Variants in CERT1 observed in about 807,000 individuals in gnomAD.
CERT1 encodes the protein ceramide transporter 1.
In CERT1, 31 loss-of-function variants were observed where a neutral mutation model predicts 87.9. The observed-to-expected ratio is 0.35, with a 90% confidence interval of 0.27 to 0.48. The LOEUF is 0.48. CERT1 is among the 20% of genes least tolerant of loss of function. The pLI, the probability that CERT1 is intolerant of heterozygous loss-of-function variation, is 0.99. For synonymous variants in CERT1, 289 were observed against 250.9 expected (o/e 1.15, Z -1.44); for missense variants, 487 against 758.0 (o/e 0.64, Z 4.20).
rs576372181 is a variant in CERT1 at position 75,461,400 on chromosome 5, G to A, written c.232-2219C>T. ...GAGTTTCATCCCAAAGCCATCCCCCGTCACCCACTACATGGAAAAATTGTC... is the reference window on the plus strand; with the variant it reads ...GAGTTTCATCCCAAAGCCATCCCCCATCACCCACTACATGGAAAAATTGTC... On this transcript the variant is annotated intron_variant, in intron 2 of 16. Transcript: ENST00000643780. Among the ~76,000 whole-genome samples, 8 of 152,200 alleles carry A rather than the reference G, an allele frequency of 5.3e-5. No individual in the cohort carries two copies. In the East Asian group the frequency reaches 9.7e-4, roughly 18 times the overall value.
intron 7 of CERT1, among the ~76,000 whole-genome samples, chr5:75,413,191 A>G (rs1763000139): frequency 6.6e-6 from 1 of 152,168 alleles, no homozygotes; most frequent in Non-Finnish European, 1.5e-5. Flanking sequence ...CACTAGGCAA[A>G]AGGAATTATT....
At chr5:75,502,807 A>G (rs1312286631) in intron 2 of CERT1, among the ~76,000 whole-genome samples, 1 of 152,100 alleles carries the variant, frequency 6.6e-6, no homozygotes, top group Non-Finnish European at 1.5e-5. Context: ...TTCCATAAAC[A>G]TTTGCTTTTA....
intron 1 of CERT1, among the ~76,000 whole-genome samples, chr5:75,509,163 A>T (rs1580874337): frequency 6.6e-6 from 1 of 152,236 alleles, no homozygotes; most frequent in East Asian, 1.9e-4. Context: ...AATCCACCCC[A>T]TTTTGGGGGA....
chr5:75,415,532 T>C (rs189348220), intron 7 of CERT1, among the ~76,000 whole-genome samples: 5 of 152,254 alleles, frequency 3.3e-5, no homozygotes, highest in Admixed American at 3.3e-4. Context: ...TAAACTTGAA[T>C]GCTAAAATAA....
intron 3 of CERT1, among the ~76,000 whole-genome samples, chr5:75,436,828 T>A (rs184800948): frequency 5.4e-4 from 83 of 152,316 alleles, no homozygotes; most frequent in Admixed American, 1.3e-3. Context: ...TGGAGTGCAG[T>A]GGCAGTCATG....
chr5:75,450,030 C>T lies in CERT1; in HGVS notation c.348+9035G>A, dbSNP rs73120808. 3.6e-3 allele frequency among the ~76,000 whole-genome samples: 552 copies of T among 152,294 alleles called. 3 individuals are homozygous for T. Among genetic ancestry groups the T allele is most frequent in the African/African-American group, 0.013 (539 of 41,546 alleles). ...TCTTCACTACTCAGTGTACAATCTTCCCAATCCTTTTACTATCTTGGTAAA... is the reference window on the plus strand; with the variant it reads ...TCTTCACTACTCAGTGTACAATCTTTCCAATCCTTTTACTATCTTGGTAAA... On this transcript the variant is annotated intron_variant, in intron 3 of 16. Coordinates refer to ENST00000643780, the MANE Select transcript of CERT1 (RefSeq NM_001379029.1).
intron 2 of CERT1, among the ~76,000 whole-genome samples, chr5:75,487,252 T>C (rs1307612257): frequency 6.6e-6 from 1 of 152,064 alleles, no homozygotes; most frequent in Non-Finnish European, 1.5e-5. Flanking sequence ...CTTCAATAAA[T>C]AGTGCTAGGA....
At chr5:75,393,602 TAAAAAAAAAA>T (rs60898983) in intron 11 of CERT1, among the ~76,000 whole-genome samples, 1 of 32,770 alleles carries the variant, frequency 3.1e-5, no homozygotes, top group Non-Finnish European at 5.8e-5. Context: ...CTCATCTACT[TAAAAAAAAAA>T]AAAAAAAAAA....
At chr5:75,457,243 T>C (rs1765022364) in intron 3 of CERT1, among the ~76,000 whole-genome samples, 1 of 152,220 alleles carries the variant, frequency 6.6e-6, no homozygotes, top group Non-Finnish European at 1.5e-5. Context: ...GCTTTTCCTA[T>C]ATGCCATAAA....
chr5:75,465,491 C>T (rs990626231), intron 2 of CERT1, among the ~76,000 whole-genome samples: 5 of 152,198 alleles, frequency 3.3e-5, no homozygotes, highest in African/African-American at 1.2e-4. Flanking sequence ...TCAATCAGTG[C>T]TCTATATTGT....
At chr5:75,459,962 CAAAAAAA>C (rs753591061) in intron 2 of CERT1, among the ~76,000 whole-genome samples, 1 of 25,530 alleles carries the variant, frequency 3.9e-5, no homozygotes, top group Non-Finnish European at 8.0e-5. Flanking sequence ...TCCTCCGTCT[CAAAAAAA>C]AAAAAAAAAA....
intron 2 of CERT1, among the ~76,000 whole-genome samples, chr5:75,470,388 G>C (rs1765653541): frequency 6.6e-6 from 1 of 152,124 alleles, no homozygotes; most frequent in Non-Finnish European, 1.5e-5. Context: ...TCAATAAAAG[G>C]AGGAGCTTTG....
At chr5:75,424,442 C>T (rs1763515433) in intron 5 of CERT1, among the ~76,000 whole-genome samples, 1 of 151,856 alleles carries the variant, frequency 6.6e-6, no homozygotes, top group Non-Finnish European at 1.5e-5. Flanking sequence ...CATGGTGGCA[C>T]GTGCCTGTAA....
intron 11 of CERT1, among the ~76,000 whole-genome samples, chr5:75,397,209 T>G (rs1762291419): frequency 6.6e-6 from 1 of 152,194 alleles, no homozygotes; most frequent in Non-Finnish European, 1.5e-5. Flanking sequence ...AACAAATACT[T>G]GAAGACCTTA....
chr5:75,371,541 T>C (rs1761084716), intron 17 of CERT1: 1 of 152,210 alleles, frequency 6.6e-6, no homozygotes, highest in Admixed American at 6.5e-5. Flanking sequence ...TACACCTCCC[T>C]TGCAGATATA....
intron 3 of CERT1, among the ~76,000 whole-genome samples, chr5:75,442,172 A>G (rs1383984261): frequency 6.6e-6 from 1 of 152,200 alleles, no homozygotes; most frequent in Non-Finnish European, 1.5e-5. Flanking sequence ...TTGCTCATGC[A>G]TTGACTTTTA....
chr5:75,397,597 G>C (rs1762306456), intron 11 of CERT1, among the ~76,000 whole-genome samples: 1 of 152,102 alleles, frequency 6.6e-6, no homozygotes, highest in African/African-American at 2.4e-5. Flanking sequence ...TATAGCCTAT[G>C]TATTCCTGCA....
intron 2 of CERT1, among the ~76,000 whole-genome samples, chr5:75,494,591 T>A (rs1418938066): frequency 6.6e-6 from 1 of 152,196 alleles, no homozygotes; most frequent in Non-Finnish European, 1.5e-5. Context: ...TAAATTGACA[T>A]ATAACTCATC....
intron 3 of CERT1, among the ~76,000 whole-genome samples, chr5:75,428,848 C>T (rs1763742239): frequency 2.6e-5 from 4 of 152,028 alleles, no homozygotes; most frequent in Admixed American, 2.6e-4. Flanking sequence ...AAGAACAAAG[C>T]ACATTCCAAA....
Sources: allele counts gnomAD v4.1 joint callset (sites outside exome capture counted in the v4.1 genomes callset), GRCh38; gene constraint gnomAD v4.1.1; transcripts MANE v1.5; gene names NCBI Gene and HGNC (gene_info 2026-07-23, HGNC 2026-07-21).